Variants in PHACTR3 observed in about 807,000 individuals in gnomAD.
PHACTR3 encodes phosphatase and actin regulator 3.
A neutral mutation model predicts 66.8 loss-of-function variants in PHACTR3; 16 were observed. The observed-to-expected ratio is 0.24, with a 90% CI of 0.16 to 0.36. The LOEUF (loss-of-function observed/expected upper bound fraction) is 0.36. Ranked by LOEUF, PHACTR3 falls within the 10% of genes least tolerant of loss-of-function variation. The pLI is 1.00. For missense variants in PHACTR3, 647 were observed against 719.9 expected (o/e 0.90, Z 1.16); for synonymous variants, 323 against 292.1 (o/e 1.11, Z -1.08).
intron 8 of PHACTR3, among the ~76,000 whole-genome samples, chr20:59,831,424 T>A (rs1250795339): frequency 6.6e-6 from 1 of 152,074 alleles, no homozygotes; most frequent in Non-Finnish European, 1.5e-5. Context: ...TTAGTGTTGC[T>A]CCCACACCCA....
chr20:59,605,146 C>CGGGGGGGGGG lies in PHACTR3; in HGVS notation c.118+19_118+20insGGGGGGGGGG. On this transcript the variant is annotated intron_variant, in intron 1 of 12. Transcript: ENST00000371015. ...GGGAGAACCCAGGTAACGGGCTGGG[C>CGGGGGGGGGG]GGGGGCGGCGGGCGGGTCGGGGAGG... is the stretch of plus-strand genomic sequence containing the variant. The CGGGGGGGGGG allele has an allele frequency of 7.9e-6, 2 of 254,256 alleles. No individual in the cohort carries two copies. The highest frequency in any genetic ancestry group is 2.4e-5 in the African/African-American group (1 of 41,338). The allele number at this position is 254,256 out of a possible 1,614,324, so 15.7% of individuals were successfully genotyped here.
intron 1 of PHACTR3, among the ~76,000 whole-genome samples, chr20:59,697,260 G>A (rs2037333449): frequency 6.6e-6 from 1 of 152,126 alleles, no homozygotes; most frequent in African/African-American, 2.4e-5. Context: ...CTGTCTCAGG[G>A]TTATCTTCCG....
intron 1 of PHACTR3, among the ~76,000 whole-genome samples, chr20:59,699,384 G>A (rs1292801805): frequency 6.6e-6 from 1 of 152,074 alleles, no homozygotes; most frequent in Non-Finnish European, 1.5e-5. Context: ...TTTACCCCTT[G>A]TGACTCCTAA....
chr20:59,589,095 G>A (rs151006442), intron 1 of PHACTR3, among the ~76,000 whole-genome samples: 186 of 152,306 alleles, frequency 1.2e-3, no homozygotes, highest in African/African-American at 4.4e-3. Flanking sequence ...GAACCAGCAG[G>A]GTCCGTGACC....
chr20:59,800,613 T>C (rs900964455), intron 7 of PHACTR3, among the ~76,000 whole-genome samples: 5 of 152,250 alleles, frequency 3.3e-5, no homozygotes. Flanking sequence ...TTATAGATTT[T>C]GATTACCATG....
intron 1 of PHACTR3, among the ~76,000 whole-genome samples, chr20:59,717,628 C>T (rs1445098060): frequency 6.6e-6 from 1 of 151,800 alleles, no homozygotes; most frequent in Non-Finnish European, 1.5e-5. Flanking sequence ...CCACTGGAAA[C>T]CCACCCCCCA....
chr20:59,689,800 C>T (rs2037041099), intron 1 of PHACTR3, among the ~76,000 whole-genome samples: 1 of 152,164 alleles, frequency 6.6e-6, no homozygotes, highest in South Asian at 2.1e-4. Context: ...TCATCCCCAT[C>T]CCTGCCACAT....
At chr20:59,606,939 A>T (rs2033691281) in intron 1 of PHACTR3, among the ~76,000 whole-genome samples, 1 of 152,226 alleles carries the variant, frequency 6.6e-6, no homozygotes, top group African/African-American at 2.4e-5. Flanking sequence ...GTAGAACCTT[A>T]CTAAAAAGCA....
intron 8 of PHACTR3, among the ~76,000 whole-genome samples, chr20:59,807,838 T>C (rs1203089922): frequency 6.6e-6 from 1 of 152,240 alleles, no homozygotes; most frequent in African/African-American, 2.4e-5. Context: ...TGTCTGTGCA[T>C]ATATACACAT....
intron 1 of PHACTR3, among the ~76,000 whole-genome samples, chr20:59,689,986 G>A (rs929920915): frequency 7.9e-5 from 12 of 152,162 alleles, no homozygotes; most frequent in Admixed American, 3.9e-4. Context: ...TCTGCTGGGC[G>A]ATGGGAGTGA....
intron 4 of PHACTR3, among the ~76,000 whole-genome samples, chr20:59,756,479 G>A (rs986338788): frequency 3.3e-5 from 5 of 152,140 alleles, no homozygotes; most frequent in African/African-American, 1.2e-4. Context: ...CAACGCCCCT[G>A]CAGCGCTAGC....
At chr20:59,602,610 C>A (rs73623727), upstream of PHACTR3, among the ~76,000 whole-genome samples, 23 of 152,214 alleles carry the variant, frequency 1.5e-4, no homozygotes, top group East Asian at 4.4e-3. Flanking sequence ...CTGGTGTGAT[C>A]TTTCTCCTCC....
At chr20:59,723,015 C>A (rs2038380609) in intron 1 of PHACTR3, among the ~76,000 whole-genome samples, 1 of 151,630 alleles carries the variant, frequency 6.6e-6, no homozygotes, top group South Asian at 2.1e-4. Flanking sequence ...TGGTTTTCTT[C>A]CCTTTTTTTC....
intron 1 of PHACTR3, chr20:59,628,483 G>T: frequency 3.9e-6 from 1 of 258,494 alleles, no homozygotes; most frequent in Non-Finnish European, 6.0e-6. Context: ...GCCTGCACGT[G>T]AATGGAGGCT....
At chr20:59,841,623 G>C (rs1439433158) in intron 11 of PHACTR3, 88 bp downstream of exon 11, 1 of 1,396,812 alleles carries the variant, frequency 7.2e-7, no homozygotes, top group Non-Finnish European at 9.6e-7. Flanking sequence ...CATAGACAAT[G>C]GGAGCCCTCA....
chr20:59,677,270 A>G (rs754236910), intron 1 of PHACTR3, among the ~76,000 whole-genome samples: 1 of 152,176 alleles, frequency 6.6e-6, no homozygotes, highest in Non-Finnish European at 1.5e-5. Flanking sequence ...TGAAGCCTTC[A>G]TTTAGTGTCA....
rs926187154 is a variant in PHACTR3, at chr20:59,830,322, A to G, written c.1329-6183A>G. Among the ~76,000 whole-genome samples, 14 of 150,588 alleles carry G rather than the reference A, an allele frequency of 9.3e-5. No individual in the cohort carries two copies. Among genetic ancestry groups the G allele is most frequent in the African/African-American group, 2.0e-4 (8 of 40,666 alleles). Reference sequence around the variant, plus strand: ...ATGGACAGTGTGAGTAGATGATGAAAGAAGGTGTGAGTATTTGATGGAGGA... The same window carrying G: ...ATGGACAGTGTGAGTAGATGATGAAGGAAGGTGTGAGTATTTGATGGAGGA... On this transcript the variant is annotated intron_variant, in intron 8 of 12. Transcript: ENST00000371015. This position sits in a 1 kb window ranked among gnomAD's most constrained non-coding sequence, Gnocchi z 5.8.
chr20:59,826,561 C>T (rs948116552), intron 8 of PHACTR3, among the ~76,000 whole-genome samples: 1 of 152,064 alleles, frequency 6.6e-6, no homozygotes, highest in Non-Finnish European at 1.5e-5. Context: ...TGTCTCTGCA[C>T]ACACCCTCCT....
chr20:59,775,538 C>T (rs1033277043), intron 7 of PHACTR3, among the ~76,000 whole-genome samples: 18 of 152,220 alleles, frequency 1.2e-4, no homozygotes, highest in African/African-American at 3.4e-4. Context: ...GCCTTTCCAC[C>T]GGGTCCGAGG....
Sources: allele counts gnomAD v4.1 joint callset (sites outside exome capture counted in the v4.1 genomes callset), GRCh38; gene constraint gnomAD v4.1.1; non-coding constraint Gnocchi (gnomAD v3.1); transcripts MANE v1.5; gene names NCBI Gene and HGNC (gene_info 2026-07-23, HGNC 2026-07-21).